Variants in YEATS2 observed in about 807,000 individuals in gnomAD.
YEATS2 encodes YEATS domain-containing protein 2.
In YEATS2, 77 loss-of-function variants were observed where a neutral mutation model predicts 163.2. The observed-to-expected ratio is 0.47, with a 90% CI of 0.39 to 0.57. YEATS2 has a LOEUF of 0.57. Among genes scored for constraint, YEATS2 ranks in the 20% least tolerant of loss-of-function variants. The pLI, the probability that YEATS2 is intolerant of heterozygous loss-of-function variation, is 0.00. For synonymous variants in YEATS2, 631 were observed against 645.1 expected, an observed-to-expected ratio of 0.98 and a Z score of 0.33; for missense variants, 1,549 against 1,729.8, an observed-to-expected ratio of 0.90 and a Z score of 1.85.
intron 20 of YEATS2, among the ~76,000 whole-genome samples, chr3:183,787,449 G>A (rs528978291): frequency 1.3e-4 from 19 of 151,956 alleles, no homozygotes; most frequent in African/African-American, 3.6e-4. Context: ...TTTGATTTGC[G>A]ATTCCCTGTT....
At position 183,810,830 on chromosome 3, in the gene YEATS2, G is replaced by A. The variant is rs547796681; in HGVS notation, c.*247G>A. The A allele has an allele frequency of 1.1e-4, 54 of 483,012 alleles. No individual in the cohort carries two copies. The East Asian group carries it at 1.7e-3, about 15-fold the overall frequency. 29.9% of individuals were successfully genotyped at this position (483,012 alleles called of 1,614,324 possible). On this transcript the variant is annotated 3_prime_UTR_variant, in exon 31 of 31. Transcript: ENST00000305135. ...GTGGATCCGTGCTTTGTCGGCCAGC[G>A]TTTCTGCAGTCTTTGTAAAGGCCCC... is the stretch of plus-strand genomic sequence containing the variant.
At chr3:183,749,331 C>A (rs1719914206) in intron 9 of YEATS2, among the ~76,000 whole-genome samples, 2 of 152,196 alleles carry the variant, frequency 1.3e-5, no homozygotes, top group African/African-American at 4.8e-5. Flanking sequence ...AGTCTAGTGG[C>A]ATTAAGTATA....
At chr3:183,798,387 T>A (rs1248755706) in intron 22 of YEATS2, among the ~76,000 whole-genome samples, 6 of 152,230 alleles carry the variant, frequency 3.9e-5, no homozygotes. Flanking sequence ...AGAGTTTTGC[T>A]CTGTCACCAG....
At chr3:183,736,882 C>A in intron 8 of YEATS2, 53 bp downstream of exon 8, 1 of 1,499,634 alleles carries the variant, frequency 6.7e-7, no homozygotes, top group South Asian at 1.2e-5. Flanking sequence ...TTACCAGCTA[C>A]AATTGATCCT....
intron 7 of YEATS2, among the ~76,000 whole-genome samples, chr3:183,736,079 A>G (rs937142721): frequency 3.9e-5 from 6 of 152,164 alleles, no homozygotes; most frequent in African/African-American, 1.4e-4. Context: ...GTTATTAACA[A>G]TTTGCTCTTT....
rs763287552 is a variant in YEATS2, at chr3:183,775,994, C to G, written c.2448C>G (p.Gly816=). 6.2e-7 allele frequency: 1 copy of G among 1,608,756 alleles called. No homozygotes were observed. The highest frequency in any genetic ancestry group is 8.5e-7 in the Non-Finnish European group (1 of 1,176,944). Residue 816 remains glycine (G), a synonymous_variant, in exon 18 of 31, where the codon GGC becomes GGG. Transcript: ENST00000305135. ...GGGGGGGGGS[G]SGGGGSTGGG... ...GAGGAGGAGGAGGAGGCGGCAGTGG[C>G]AGCGGTGGAGGCGGCAGCACAGGAG...
At chr3:183,724,576 A>G in intron 6 of YEATS2, 45 bp downstream of exon 6, 3 of 1,427,728 alleles carry the variant, frequency 2.1e-6, no homozygotes, top group Non-Finnish European at 2.9e-6. Context: ...ATTTGTGTTA[A>G]TATTTTGGCA....
chr3:183,776,162 T>C, intron 18 of YEATS2, 39 bp downstream of exon 18: 1 of 1,511,258 alleles, frequency 6.6e-7, no homozygotes, highest in Non-Finnish European at 8.9e-7. Flanking sequence ...ATCATTTAGC[T>C]ATTGGATAAC....
intron 15 of YEATS2, among the ~76,000 whole-genome samples, chr3:183,771,718 ATTTTTTTTT>A (rs10592078): frequency 6.9e-4 from 69 of 100,214 alleles, no homozygotes; most frequent in African/African-American, 7.7e-4. Flanking sequence ...GTACTGGCTA[ATTTTTTTTT>A]TTTTTTTTTT....
chr3:183,713,083 A>G (rs1265465238), intron 1 of YEATS2, among the ~76,000 whole-genome samples: 1 of 152,194 alleles, frequency 6.6e-6, no homozygotes, highest in African/African-American at 2.4e-5. Context: ...GGCCGCTAAT[A>G]CAAATTAAGA....
At chr3:183,722,491 G>A (rs968800279) in intron 5 of YEATS2, among the ~76,000 whole-genome samples, 10 of 151,746 alleles carry the variant, frequency 6.6e-5, no homozygotes, top group Admixed American at 2.6e-4. Flanking sequence ...GGATTTCACC[G>A]TGTTAGCCAG....
chr3:183,697,847 C>A lies in YEATS2; in HGVS notation c.-166C>A, dbSNP rs928365175. On this transcript the variant is annotated 5_prime_UTR_variant, in exon 1 of 31. Transcript: ENST00000305135. ...GGCGGAACGCGCCGGGCGGGCTCCACCGCGCCGTGTGCTTCCGCAGGTTGC... is the reference window on the plus strand; with the variant it reads ...GGCGGAACGCGCCGGGCGGGCTCCAACGCGCCGTGTGCTTCCGCAGGTTGC... 6.6e-6 allele frequency: 1 copy of A among 150,816 alleles called. No homozygotes were observed. Among genetic ancestry groups the A allele is most frequent in the Non-Finnish European group, 1.5e-5 (1 of 67,632 alleles). 9.3% of individuals were successfully genotyped at this position (150,816 alleles called of 1,614,324 possible).
chr3:183,807,153 G>C, intron 28 of YEATS2, 61 bp downstream of exon 28: 1 of 1,484,602 alleles, frequency 6.7e-7, no homozygotes, highest in Non-Finnish European at 9.2e-7. Context: ...ATGTTCAGAC[G>C]TTCAGCTTCA....
chr3:183,737,525 C>T (rs1322543365), intron 8 of YEATS2, among the ~76,000 whole-genome samples: 1 of 152,192 alleles, frequency 6.6e-6, no homozygotes, highest in African/African-American at 2.4e-5. Context: ...TTTGATCAGA[C>T]CTCACCATCA....
chr3:183,787,960 G>C (rs112608748), intron 20 of YEATS2, among the ~76,000 whole-genome samples: 1 of 151,932 alleles, frequency 6.6e-6, no homozygotes, highest in African/African-American at 2.4e-5. Flanking sequence ...CCGAGATTGC[G>C]CCACTCCACT....
At chr3:183,760,313 ATTTTTTTTTTTTTTT>A (rs11417378) in intron 13 of YEATS2, among the ~76,000 whole-genome samples, 2 of 110,314 alleles carry the variant, frequency 1.8e-5, no homozygotes, top group South Asian at 2.9e-4. Flanking sequence ...AAACTACAGA[ATTTTTTTTTTTTTTT>A]TTTTTTTTTT....
At chr3:183,765,133 T>C (rs958657237) in intron 15 of YEATS2, among the ~76,000 whole-genome samples, 1 of 152,206 alleles carries the variant, frequency 6.6e-6, no homozygotes, top group African/African-American at 2.4e-5. Context: ...TGGTTCTGGC[T>C]TCAGGGGTAA....
At chr3:183,808,197 CA>C in intron 29 of YEATS2, 93 bp downstream of exon 29, 1 of 1,039,840 alleles carries the variant, frequency 9.6e-7, no homozygotes. Flanking sequence ...ACAAAGATAA[CA>C]GGCTTTAAAA....
chr3:183,808,073 A>G lies in YEATS2; in HGVS notation c.4055A>G (p.Tyr1352Cys). 1.9e-6 allele frequency: 3 copies of G among 1,560,088 alleles called. No individual in the cohort carries two copies. Among genetic ancestry groups the G allele is most frequent in the African/African-American group, 1.4e-5 (1 of 73,620 alleles). ...LQPVALHRNV[Y>C]ASVVEDMILK... Reference sequence around the variant, plus strand: ...CCCGTGGCACTCCACAGGAACGTGTATGCGTCCGTGGTGGAGGACATGATC... The same window carrying G: ...CCCGTGGCACTCCACAGGAACGTGTGTGCGTCCGTGGTGGAGGACATGATC... The change falls in exon 29 of 31, where the codon TAT becomes TGT. Residue 1352 changes from tyrosine to cysteine, a missense_variant. Coordinates refer to ENST00000305135, the MANE Select transcript of YEATS2 (RefSeq NM_018023.5).
Sources: gnomAD v4.1 joint callset for allele counts (sites outside exome capture counted in the v4.1 genomes callset) on GRCh38, gnomAD v4.1.1 for gene constraint, MANE v1.5 for transcripts, NCBI Gene and HGNC (gene_info 2026-07-23, HGNC 2026-07-21) for gene names.